Variants in PARD3B observed in about 807,000 individuals in gnomAD.
PARD3B encodes par-3 family cell polarity regulator beta, also known as partitioning defective 3 homolog B.
PARD3B carries 103 observed loss-of-function variants against 130.2 expected under a neutral mutation model. That is an observed-to-expected ratio of 0.79 (90% confidence interval 0.67 to 0.93). PARD3B has a LOEUF of 0.93. PARD3B is among the 40% of genes least tolerant of loss of function. The pLI is 0.00. For missense variants in PARD3B, 1,609 were observed against 1,499.2 expected (o/e 1.07, Z -1.21); for synonymous variants, 583 against 553.2 (o/e 1.05, Z -0.76).
intron 2 of PARD3B, among the ~76,000 whole-genome samples, chr2:204,747,882 G>T (rs6746267): frequency 0.05 from 7,656 of 152,038 alleles, 241 homozygotes; most frequent in South Asian, 0.086. Context: ...TAATTTTATC[G>T]CATTTACTAG....
At chr2:204,918,624 C>T (rs574970890) in intron 2 of PARD3B, among the ~76,000 whole-genome samples, 29 of 139,276 alleles carry the variant, frequency 2.1e-4, no homozygotes, top group African/African-American at 7.2e-4. Context: ...AGCGAGACTC[C>T]GTCTCAAAAA....
At chr2:205,438,429 G>A (rs1259922933) in intron 19 of PARD3B, among the ~76,000 whole-genome samples, 1 of 152,152 alleles carries the variant, frequency 6.6e-6, no homozygotes, top group Admixed American at 6.5e-5. Context: ...TCATCTTTCT[G>A]CTGAATGATT....
At chr2:205,235,464 C>G (rs78889461) in intron 15 of PARD3B, among the ~76,000 whole-genome samples, 11 of 152,134 alleles carry the variant, frequency 7.2e-5, no homozygotes, top group Admixed American at 2.0e-4. Context: ...TCTCCACCCC[C>G]CTTGTCTACA....
chr2:204,956,172 G>A (rs1216676442), intron 2 of PARD3B, among the ~76,000 whole-genome samples: 1 of 152,182 alleles, frequency 6.6e-6, no homozygotes, highest in East Asian at 1.9e-4. Flanking sequence ...ATAAGTTATT[G>A]CCTTCAAGGA....
intron 16 of PARD3B, among the ~76,000 whole-genome samples, chr2:205,282,018 A>C (rs906113026): frequency 1.2e-4 from 19 of 152,114 alleles, no homozygotes; most frequent in African/African-American, 4.3e-4. Flanking sequence ...TAAACAAATA[A>C]TTTTTTTCAA....
chr2:205,173,909 G>A (rs2035315688), intron 12 of PARD3B, among the ~76,000 whole-genome samples: 1 of 152,128 alleles, frequency 6.6e-6, no homozygotes. Flanking sequence ...AGGATGGACT[G>A]CGAACGCCTG....
intron 16 of PARD3B, among the ~76,000 whole-genome samples, chr2:205,262,120 C>A (rs975583366): frequency 6.6e-6 from 1 of 152,066 alleles, no homozygotes; most frequent in Non-Finnish European, 1.5e-5. Context: ...ACTTACCAGT[C>A]ATGTAAGACT....
chr2:205,611,560 T>C (rs1426277374), intron 22 of PARD3B, among the ~76,000 whole-genome samples: 2 of 152,264 alleles, frequency 1.3e-5, no homozygotes, highest in Non-Finnish European at 2.9e-5. Context: ...ACTTTCTTTA[T>C]TGCGTGCATC....
Position 205,397,875 on chromosome 2 carries a change from C to A in PARD3B, c.2631-3138C>A, listed in dbSNP as rs2046086600. ...ACATACTTAGAGTAATAATGTTGAC[C>A]CCTAAGACTCTTCTGCATGGGTCTG... is the stretch of plus-strand genomic sequence containing the variant. On this transcript the variant is annotated intron_variant, in intron 18 of 22. Transcript: ENST00000406610. The surrounding 1 kb of genome is among the most constrained non-coding windows in gnomAD (Gnocchi z 4.8). Among the ~76,000 whole-genome samples the A allele has an allele frequency of 6.6e-6, 1 of 152,060 alleles. No individual in the cohort carries two copies. The highest frequency in any genetic ancestry group is 1.5e-5 in the Non-Finnish European group (1 of 68,038).
intron 3 of PARD3B, among the ~76,000 whole-genome samples, chr2:204,999,026 T>C (rs1694602478): frequency 1.3e-5 from 2 of 152,030 alleles, no homozygotes; most frequent in Admixed American, 6.6e-5. Context: ...AACTGGCACT[T>C]CTAGAGTAAT....
intron 22 of PARD3B, among the ~76,000 whole-genome samples, chr2:205,574,980 G>A (rs964259479): frequency 6.6e-6 from 1 of 151,414 alleles, no homozygotes; most frequent in Non-Finnish European, 1.5e-5. Flanking sequence ...CCTTTGTCAG[G>A]GACCCATCTC....
rs527321745 is a variant in PARD3B, at chr2:205,025,325, G to A, written c.395-22256G>A. 5.3e-5 allele frequency among the ~76,000 whole-genome samples: 8 copies of A among 152,256 alleles called. No individual in the cohort carries two copies. The South Asian group carries it at 1.0e-3, about 20-fold the overall frequency. On this transcript the variant is annotated intron_variant, in intron 3 of 22. Transcript: ENST00000406610. Reference sequence around the variant, plus strand: ...TGGGCTTGCTGTGGCTGTGTTTTTCGTTTGGACTGCTGTCATTGCCAAAAG... The same window carrying A: ...TGGGCTTGCTGTGGCTGTGTTTTTCATTTGGACTGCTGTCATTGCCAAAAG...
chr2:205,070,841 C>G (rs1172039510), intron 4 of PARD3B, among the ~76,000 whole-genome samples: 1 of 152,102 alleles, frequency 6.6e-6, no homozygotes, highest in Non-Finnish European at 1.5e-5. Flanking sequence ...CAATTTTATG[C>G]TGAAATACTA....
At position 205,132,680 on chromosome 2, in the gene PARD3B, T is replaced by G. The variant is rs537171603; in HGVS notation, c.1434+6943T>G. Among the ~76,000 whole-genome samples the G allele has an allele frequency of 4.6e-5, 7 of 152,296 alleles. No individual in the cohort carries two copies. In the East Asian group the frequency reaches 1.3e-3, roughly 29 times the overall value. On this transcript the variant is annotated intron_variant, in intron 10 of 22. Coordinates refer to ENST00000406610, the MANE Select transcript of PARD3B (RefSeq NM_001302769.2). ...TTAAGAACTATAAAGAAATAGTCCTTAAGATGCCACATTTGGGAATCTCAT... is the reference window on the plus strand; with the variant it reads ...TTAAGAACTATAAAGAAATAGTCCTGAAGATGCCACATTTGGGAATCTCAT...
Position 204,546,080 on chromosome 2 carries a change from C to A in PARD3B, c.81C>A (p.Thr27=). The change falls in exon 1 of 23, where the codon ACC becomes ACA. Residue 27 remains threonine, a synonymous_variant. Coordinates refer to ENST00000406610, the MANE Select transcript of PARD3B (RefSeq NM_001302769.2). The part of the protein sequence containing the change: ...KEGQLRVGEL[T]QQALQRYLKT... ...GCCAGCTGCGCGTCGGCGAGCTCACCCAGCAGGCGCTGCAGCGGTACCTGA... is the reference window on the plus strand; with the variant it reads ...GCCAGCTGCGCGTCGGCGAGCTCACACAGCAGGCGCTGCAGCGGTACCTGA... 5 of 1,558,402 alleles carry A rather than the reference C, an allele frequency of 3.2e-6. No homozygotes were observed. Among genetic ancestry groups the A allele is most frequent in the Non-Finnish European group, 4.3e-6 (5 of 1,151,038 alleles).
At chr2:205,134,356 C>G (rs893938725) in intron 10 of PARD3B, among the ~76,000 whole-genome samples, 2 of 80,056 alleles carry the variant, frequency 2.5e-5, no homozygotes, top group African/African-American at 6.6e-5. Context: ...AACCCCATCT[C>G]TACAAAAAAA....
At chr2:205,327,236 T>C (rs981402507) in intron 18 of PARD3B, among the ~76,000 whole-genome samples, 2 of 152,178 alleles carry the variant, frequency 1.3e-5, no homozygotes, top group African/African-American at 2.4e-5. Flanking sequence ...CCACAATATG[T>C]CTACCTGTAT....
chr2:205,407,262 G>A lies in PARD3B; in HGVS notation c.2741+6139G>A, dbSNP rs2046443642. The stretch of plus-strand genomic sequence containing the variant: ...GTCACCTCCTGTTACAAGTCAAACA[G>A]TCTATTGCAATGAAGCCCTGCATTA... On this transcript the variant is annotated intron_variant, in intron 19 of 22. Coordinates refer to ENST00000406610, the MANE Select transcript of PARD3B (RefSeq NM_001302769.2). The surrounding 1 kb of genome is among the most constrained non-coding windows in gnomAD (Gnocchi z 4.1). Among the ~76,000 whole-genome samples the A allele has an allele frequency of 6.6e-6, 1 of 152,028 alleles. No individual in the cohort carries two copies. The highest frequency in any genetic ancestry group is 3.2e-3 in the Middle Eastern group (1 of 316).
At chr2:204,985,911 G>A (rs1250120214) in intron 3 of PARD3B, among the ~76,000 whole-genome samples, 1 of 151,850 alleles carries the variant, frequency 6.6e-6, no homozygotes, top group Non-Finnish European at 1.5e-5. Flanking sequence ...GACCAGCCTG[G>A]CAACATGGTG....
Sources: allele counts gnomAD v4.1 joint callset (sites outside exome capture counted in the v4.1 genomes callset), GRCh38; gene constraint gnomAD v4.1.1; non-coding constraint Gnocchi (gnomAD v3.1); transcripts MANE v1.5; gene names NCBI Gene and HGNC (gene_info 2026-07-23, HGNC 2026-07-21).